Variants in FAM117B observed in about 807,000 individuals in gnomAD.
FAM117B encodes the protein protein FAM117B.
In FAM117B, 22 loss-of-function variants were observed where a neutral mutation model predicts 52.8. That is an observed-to-expected ratio of 0.42 (90% CI 0.30 to 0.59). The LOEUF (loss-of-function observed/expected upper bound fraction) is 0.59. Among genes scored for constraint, FAM117B ranks in the 20% least tolerant of loss-of-function variants. FAM117B has a pLI of 0.22. For synonymous variants in FAM117B, 309 were observed against 324.1 expected (o/e 0.95, Z 0.50); for missense variants, 678 against 802.6 (o/e 0.84, Z 1.88).
At chr2:202,668,421 CG>C (rs1690241803) in intron 1 of FAM117B, among the ~76,000 whole-genome samples, 1 of 141,984 alleles carries the variant, frequency 7.0e-6, no homozygotes, top group Admixed American at 7.2e-5. Flanking sequence ...CCAGCTACTT[CG>C]GAGGCTGAGG....
At chr2:202,692,738 A>T (rs750615802) in intron 1 of FAM117B, among the ~76,000 whole-genome samples, 2 of 152,196 alleles carry the variant, frequency 1.3e-5, no homozygotes, top group South Asian at 4.1e-4. Context: ...TGCACATGGC[A>T]TAACTTTGTC....
chr2:202,750,809 C>T (rs898392748), intron 4 of FAM117B, among the ~76,000 whole-genome samples: 1 of 152,076 alleles, frequency 6.6e-6, no homozygotes, highest in Non-Finnish European at 1.5e-5. Context: ...GGGAAATAGT[C>T]TTTTTTTCTG....
chr2:202,734,726 A>G (rs1324736104), intron 4 of FAM117B, among the ~76,000 whole-genome samples: 2 of 152,222 alleles, frequency 1.3e-5, no homozygotes, highest in Non-Finnish European at 2.9e-5. Flanking sequence ...TCTTTATGCA[A>G]TTCTAAGTAC....
intron 1 of FAM117B, among the ~76,000 whole-genome samples, chr2:202,656,199 GTTATT>G (rs1333854289): frequency 6.6e-6 from 1 of 151,954 alleles, no homozygotes; most frequent in Non-Finnish European, 1.5e-5. Context: ...TACTTTCTTT[GTTATT>G]TTTTCATTTC....
intron 1 of FAM117B, among the ~76,000 whole-genome samples, chr2:202,654,686 A>G (rs1303205814): frequency 6.8e-6 from 1 of 147,070 alleles, no homozygotes; most frequent in African/African-American, 2.5e-5. Flanking sequence ...TTTTGCCCAT[A>G]TTGGAGTCAG....
At chr2:202,698,750 TC>T (rs1461311874) in intron 2 of FAM117B, among the ~76,000 whole-genome samples, 2 of 152,188 alleles carry the variant, frequency 1.3e-5, no homozygotes, top group Non-Finnish European at 2.9e-5. Flanking sequence ...ACCAAAGAGT[TC>T]TGTGAAACTC....
At chr2:202,755,891 A>T (rs1438342317) in intron 5 of FAM117B, among the ~76,000 whole-genome samples, 1 of 152,168 alleles carries the variant, frequency 6.6e-6, no homozygotes, top group Non-Finnish European at 1.5e-5. Flanking sequence ...TTGAATTTGG[A>T]TTACTGAACA....
intron 7 of FAM117B, among the ~76,000 whole-genome samples, chr2:202,762,957 C>T (rs772869732): frequency 6.6e-6 from 1 of 151,114 alleles, no homozygotes; most frequent in Non-Finnish European, 1.5e-5. Flanking sequence ...TTTTAGATTC[C>T]TGTCATTAAA....
chr2:202,734,009 C>T (rs985813700), intron 4 of FAM117B, among the ~76,000 whole-genome samples: 7 of 152,006 alleles, frequency 4.6e-5, no homozygotes, highest in Non-Finnish European at 8.8e-5. Context: ...TTTTGGGAAC[C>T]GATAAATGTC....
chr2:202,750,120 T>C (rs1451818412), intron 4 of FAM117B, among the ~76,000 whole-genome samples: 1 of 152,224 alleles, frequency 6.6e-6, no homozygotes, highest in Non-Finnish European at 1.5e-5. Flanking sequence ...CCCTTCTTGC[T>C]GTGTGCTTAT....
rs372145263 is a variant in FAM117B at position 202,765,744 on chromosome 2, A to G, written c.1750A>G (p.Ile584Val). The change falls in exon 8 of 8, where the codon ATT becomes GTT. Residue 584 changes from isoleucine (I) to valine (V), a missense_variant. This residue lies in a region of FAM117B where 68 missense variants were observed against 80.6 expected (regional missense o/e 0.84). Transcript: ENST00000392238. ...SASLLPPPEP[I>V]EEAEG Reference sequence around the variant, plus strand: ...TTCTCTACTCCCACCACCAGAACCAATTGAGGAAGCTGAAGGATAGGTCAC... The same window carrying G: ...TTCTCTACTCCCACCACCAGAACCAGTTGAGGAAGCTGAAGGATAGGTCAC... 1.1e-5 allele frequency: 17 copies of G among 1,613,916 alleles called. No homozygotes were observed. The highest frequency in any genetic ancestry group is 1.6e-4 in the Middle Eastern group (1 of 6,084).
intron 1 of FAM117B, among the ~76,000 whole-genome samples, chr2:202,682,387 G>T (rs777065204): frequency 3.9e-5 from 6 of 152,134 alleles, no homozygotes; most frequent in Non-Finnish European, 7.3e-5. Flanking sequence ...GTGTCTCGGG[G>T]CTAGTATGGA....
At chr2:202,753,777 T>C (rs1691758787) in intron 4 of FAM117B, among the ~76,000 whole-genome samples, 1 of 150,718 alleles carries the variant, frequency 6.6e-6, no homozygotes, top group Non-Finnish European at 1.5e-5. Context: ...CATGAAAAAC[T>C]CAACATCACT....
chr2:202,732,414 A>T (rs569241549), intron 4 of FAM117B, among the ~76,000 whole-genome samples: 1 of 152,156 alleles, frequency 6.6e-6, no homozygotes, highest in Non-Finnish European at 1.5e-5. Flanking sequence ...CCCAATGTCT[A>T]TCAGCTGATA....
intron 1 of FAM117B, among the ~76,000 whole-genome samples, chr2:202,665,565 G>A (rs891075391): frequency 6.6e-6 from 1 of 152,020 alleles, no homozygotes; most frequent in Non-Finnish European, 1.5e-5. Context: ...ATATCTCGTT[G>A]TGTTTTCAGT....
chr2:202,729,408 T>C (rs1236795645), intron 4 of FAM117B, among the ~76,000 whole-genome samples: 1 of 152,138 alleles, frequency 6.6e-6, no homozygotes, highest in Non-Finnish European at 1.5e-5. Flanking sequence ...ATTGTTTTGG[T>C]GGGTTCTCTA....
At chr2:202,695,296 A>T (rs1690692840) in intron 1 of FAM117B, among the ~76,000 whole-genome samples, 1 of 152,088 alleles carries the variant, frequency 6.6e-6, no homozygotes, top group African/African-American at 2.4e-5. Flanking sequence ...CTTCTAGTCA[A>T]CCTTGGTCTG....
At chr2:202,705,537 C>CTGAG (rs147663428) in intron 2 of FAM117B, among the ~76,000 whole-genome samples, 1,555 of 152,238 alleles carry the variant, frequency 0.01, 23 homozygotes, top group African/African-American at 0.035. Context: ...TTCAAATAGC[C>CTGAG]TGAGAGCCTT....
At chr2:202,676,962 G>A (rs971384403) in intron 1 of FAM117B, among the ~76,000 whole-genome samples, 1 of 152,080 alleles carries the variant, frequency 6.6e-6, no homozygotes, top group South Asian at 2.1e-4. Flanking sequence ...TTCTTATTAT[G>A]TAGAGGCAGA....
Sources: gnomAD v4.1 joint callset for allele counts (sites outside exome capture counted in the v4.1 genomes callset) on GRCh38, gnomAD v4.1.1 for gene constraint, gnomAD v4.1.1 regional missense constraint, MANE v1.5 for transcripts, NCBI Gene and HGNC (gene_info 2026-07-23, HGNC 2026-07-21) for gene names.